SLMAP: variants seen among roughly 807,000 people sequenced by gnomAD.
The protein encoded by SLMAP is sarcolemmal membrane-associated protein.
Under a neutral mutation model 128.8 loss-of-function variants are expected in SLMAP, and 44 were observed. That is an observed-to-expected ratio of 0.34 (90% confidence interval 0.27 to 0.44). SLMAP has a LOEUF of 0.44. SLMAP is among the 20% of genes least tolerant of loss of function. The probability of loss-of-function intolerance (pLI) is 1.00; values close to 1 mark genes in which losing one functional copy is unlikely to be tolerated. For missense variants in SLMAP, 787 were observed against 985.3 expected (o/e 0.80, Z 2.69); for synonymous variants, 327 against 348.8 (o/e 0.94, Z 0.70).
intron 2 of SLMAP, among the ~76,000 whole-genome samples, chr3:57,771,876 A>G (rs2080972066): frequency 6.6e-6 from 1 of 152,220 alleles, no homozygotes; most frequent in African/African-American, 2.4e-5. Flanking sequence ...TTCCCTGTTA[A>G]AGCAATAAAA....
intron 14 of SLMAP, among the ~76,000 whole-genome samples, chr3:57,878,398 A>G (rs569797313): frequency 1.3e-5 from 2 of 152,302 alleles, no homozygotes; most frequent in African/African-American, 4.8e-5. Context: ...CAATTTGTGT[A>G]TTGATATTCT....
In SLMAP at chr3:57,851,585, G is replaced by T. The variant is rs548910971; in HGVS notation, c.519+1769G>T. Among the ~76,000 whole-genome samples the T allele has an allele frequency of 2.0e-3, 297 of 151,396 alleles. 6 individuals carry two copies. Among genetic ancestry groups the T allele is most frequent in the Non-Finnish European group, 1.5e-3 (101 of 67,906 alleles). On this transcript the variant is annotated intron_variant, in intron 6 of 24. Coordinates refer to ENST00000671191, the MANE Select transcript of SLMAP (RefSeq NM_001377540.1). ...CCTCCCGGGTTCAAGCAGTTCTCCT[G>T]CCCCAGTCTCCCGAGTAGCTGGAAT...
At chr3:57,925,215 A>C (rs2096983872) in intron 23 of SLMAP, among the ~76,000 whole-genome samples, 1 of 152,028 alleles carries the variant, frequency 6.6e-6, no homozygotes, top group Non-Finnish European at 1.5e-5. Context: ...TCAGCTTGCC[A>C]AAGTGCTGGG....
intron 8 of SLMAP, among the ~76,000 whole-genome samples, chr3:57,858,707 A>G (rs1359204301): frequency 6.6e-6 from 1 of 151,796 alleles, no homozygotes; most frequent in Non-Finnish European, 1.5e-5. Context: ...CTTTGGGAGG[A>G]TGAGGCGGGC....
In SLMAP at chr3:57,929,313, T is replaced by G. The variant is rs2153715050; in HGVS notation, c.*2024T>G. The G allele has an allele frequency of 6.5e-6, 1 of 152,758 alleles. No individual in the cohort carries two copies. The highest frequency in any genetic ancestry group is 1.5e-5 in the Non-Finnish European group (1 of 68,012). The allele number at this position is 152,758 out of a possible 1,614,324, so 9.5% of individuals were successfully genotyped here. On this transcript the variant is annotated 3_prime_UTR_variant, in exon 25 of 25. Transcript: ENST00000671191. ...GTTTAAAAGAAAACACTGAGCTGTT[T>G]CCTCCAAGTTTTATTAACCTTTTAT... is the stretch of plus-strand genomic sequence containing the variant.
At chr3:57,851,007 A>G (rs1264635343) in intron 6 of SLMAP, among the ~76,000 whole-genome samples, 2 of 152,248 alleles carry the variant, frequency 1.3e-5, no homozygotes, top group African/African-American at 2.4e-5. Flanking sequence ...GCAAGTAATT[A>G]TATAGCACTT....
At chr3:57,883,937 C>CTT (rs56691913) in intron 14 of SLMAP, among the ~76,000 whole-genome samples, 133 of 126,538 alleles carry the variant, frequency 1.1e-3, no homozygotes, top group Middle Eastern at 4.0e-3. Flanking sequence ...TCTTTTCTTT[C>CTT]TTTTTTTTTT....
intron 2 of SLMAP, among the ~76,000 whole-genome samples, chr3:57,787,198 T>C (rs1166343157): frequency 1.3e-5 from 2 of 152,206 alleles, no homozygotes; most frequent in African/African-American, 4.8e-5. Flanking sequence ...TGAAGTAATG[T>C]TCTTTTTATG....
chr3:57,856,267 C>T (rs1476916151), intron 6 of SLMAP, among the ~76,000 whole-genome samples: 1 of 152,106 alleles, frequency 6.6e-6, no homozygotes, highest in Non-Finnish European at 1.5e-5. Flanking sequence ...AATAAGCTAA[C>T]CTTAGCTTGC....
Position 57,912,601 on chromosome 3 carries a change from G to A in SLMAP, c.1920G>A (p.Ala640=), listed in dbSNP as rs149493923. The change falls in exon 20 of 25, where the codon GCG becomes GCA. Residue 640 remains alanine (A), a synonymous_variant. Transcript: ENST00000671191. ...RAELERWRKA[A]SEYEKEITSL... is the part of the protein sequence containing the mutation. ...AGCTTGAGCGGTGGCGGAAAGCAGC[G>A]TCTGAATATGAGAAAGAAATCACAA... 1.1e-5 allele frequency: 17 copies of A among 1,614,136 alleles called. No individual in the cohort carries two copies. The highest frequency in any genetic ancestry group is 8.9e-5 in the East Asian group (4 of 44,884).
intron 17 of SLMAP, chr3:57,900,080 A>T (rs961616890): frequency 3.9e-5 from 6 of 152,210 alleles, no homozygotes; most frequent in Admixed American, 3.9e-4. Flanking sequence ...ACTAGACAAC[A>T]GTGTTGACCT....
intron 14 of SLMAP, among the ~76,000 whole-genome samples, chr3:57,883,652 A>G (rs2095804004): frequency 6.6e-6 from 1 of 152,110 alleles, no homozygotes; most frequent in South Asian, 2.1e-4. Flanking sequence ...AGCACAAGAG[A>G]ATGGGAGAGA....
At chr3:57,820,296 A>G (rs2092381091) in intron 2 of SLMAP, among the ~76,000 whole-genome samples, 1 of 152,194 alleles carries the variant, frequency 6.6e-6, no homozygotes, top group Admixed American at 6.5e-5. Flanking sequence ...TGAGGTAATT[A>G]GAGACTTTTT....
At chr3:57,912,749 A>G (rs751511077) in intron 20 of SLMAP, 48 bp downstream of exon 20, 273 of 1,384,974 alleles carry the variant, frequency 2.0e-4, no homozygotes, top group Non-Finnish European at 2.5e-4. Context: ...GACAATGATA[A>G]CTTCTTAACT....
At chr3:57,822,352 G>C (rs779980277) in intron 2 of SLMAP, among the ~76,000 whole-genome samples, 2 of 152,242 alleles carry the variant, frequency 1.3e-5, no homozygotes, top group East Asian at 3.9e-4. Context: ...TGAGGTCGTG[G>C]CACTCTGCTT....
In SLMAP at chr3:57,893,445, G is replaced by GA. The variant is rs111543189; in HGVS notation, c.1361-3053dup. 1.6e-3 allele frequency among the ~76,000 whole-genome samples: 210 copies of GA among 134,668 alleles called. No individual in the cohort carries two copies. In the Middle Eastern group the frequency reaches 0.019, roughly 12 times the overall value. The allele number at this position is 134,668 out of a possible 152,430, so 88.3% of individuals were successfully genotyped here. ...TCTGAAAAATAAAAAAGAAAGAAAA[G>GA]AAAAAAAAAAAAACAGGCAATCTCT... is the stretch of plus-strand genomic sequence containing the variant. On this transcript the variant is annotated intron_variant, in intron 15 of 24. Transcript: ENST00000671191.
At chr3:57,851,658 G>T (rs2094506961) in intron 6 of SLMAP, among the ~76,000 whole-genome samples, 1 of 151,606 alleles carries the variant, frequency 6.6e-6, no homozygotes, top group African/African-American at 2.4e-5. Context: ...ATTTTTAATA[G>T]AGTAGAGTAC....
At chr3:57,857,908 C>A in intron 7 of SLMAP, 80 bp downstream of exon 7, 2 of 1,029,284 alleles carry the variant, frequency 1.9e-6, no homozygotes, top group Non-Finnish European at 3.0e-6. Flanking sequence ...TAAAATGTAG[C>A]AAACAAAGAC....
chr3:57,848,708 C>CTT, intron 5 of SLMAP, among the ~76,000 whole-genome samples: 1 of 80,804 alleles, frequency 1.2e-5, no homozygotes, highest in African/African-American at 4.2e-5. Context: ...TCCTCCTACT[C>CTT]CTTTTTTTTT....
Sources: allele counts gnomAD v4.1 joint callset (sites outside exome capture counted in the v4.1 genomes callset), GRCh38; gene constraint gnomAD v4.1.1; transcripts MANE v1.5; gene names NCBI Gene and HGNC (gene_info 2026-07-23, HGNC 2026-07-21).